Variants in ADGRG3 observed in about 807,000 individuals in gnomAD.
The protein encoded by ADGRG3 is G protein-coupled receptor 97.
ADGRG3 carries 39 observed loss-of-function variants against 54.3 expected under a neutral mutation model. The ratio of observed to expected loss-of-function variants is 0.72; its 90% CI spans 0.56 to 0.94. ADGRG3 has a LOEUF of 0.94. Among genes scored for constraint, ADGRG3 ranks in the 40% least tolerant of loss-of-function variants. The pLI is 0.00. For missense variants in ADGRG3, 654 were observed against 694.6 expected (o/e 0.94, Z 0.66); for synonymous variants, 312 against 290.0 (o/e 1.08, Z -0.77).
At chr16:57,678,362 G>T in intron 4 of ADGRG3, 46 bp downstream of exon 4, 1 of 1,593,912 alleles carries the variant, frequency 6.3e-7, no homozygotes, top group African/African-American at 1.3e-5. Context: ...GGTCCTCTGG[G>T]GGCTCCATGC....
intron 1 of ADGRG3, among the ~76,000 whole-genome samples, chr16:57,671,332 GTTTTTTTTTTTT>G (rs60592653): frequency 5.3e-4 from 46 of 86,362 alleles, no homozygotes; most frequent in African/African-American, 2.3e-3. Context: ...TAGAATAGGA[GTTTTTTTTTTTT>G]TTTTTTTTTT....
rs1302190597 is a variant in ADGRG3 at position 57,685,924 on chromosome 16, A to T, written c.1538A>T (p.Gln513Leu). Residue 513 changes from glutamine (Q) to leucine (L), a missense_variant and splice_region_variant, in exon 11 of 12, where the codon CAA becomes CTA. By Grantham distance (113) the Gln-to-Leu change is moderately radical. Coordinates refer to ENST00000333493, the MANE Select transcript of ADGRG3 (RefSeq NM_170776.5). ...VYIFALFNSL[Q>L]GVFICCWFTI... ...ATCTTTGCACTTTTCAACTCCTTGCAAGGTGAGGCCCCTGCACCAGGGAGG... is the reference window on the plus strand; with the variant it reads ...ATCTTTGCACTTTTCAACTCCTTGCTAGGTGAGGCCCCTGCACCAGGGAGG... 1 of 1,613,526 alleles carries T rather than the reference A, an allele frequency of 6.2e-7. No individual in the cohort carries two copies. The highest frequency in any genetic ancestry group is 8.5e-7 in the Non-Finnish European group (1 of 1,179,610).
At position 57,678,136 on chromosome 16, in the gene ADGRG3, G is replaced by A. The variant is rs776977490; in HGVS notation, c.346-34G>A. On this transcript the variant is annotated intron_variant, in intron 3 of 11. Coordinates refer to ENST00000333493, the MANE Select transcript of ADGRG3 (RefSeq NM_170776.5). ...TGGCAGGACTCGTGTTGGGGGGTGG[G>A]TACAGATGGGAGCTGCTGTGTCTGT... is the stretch of plus-strand genomic sequence containing the variant. 1.9e-6 allele frequency: 3 copies of A among 1,609,658 alleles called. No individual in the cohort carries two copies. In the South Asian group the frequency reaches 3.3e-5, roughly 18 times the overall value.
intron 1 of ADGRG3, among the ~76,000 whole-genome samples, chr16:57,671,446 T>C (rs1162919301): frequency 6.8e-6 from 1 of 146,578 alleles, no homozygotes; most frequent in African/African-American, 2.5e-5. Flanking sequence ...GTTGAAGCAA[T>C]TCTCCTGCCT....
In ADGRG3 at chr16:57,679,270, G is replaced by A. The variant is rs1286620083; in HGVS notation, c.586G>A (p.Glu196Lys). The change falls in exon 5 of 12, where the codon GAG (glutamate) becomes AAG (lysine). Residue 196 changes from glutamate to lysine, a missense_variant. Physicochemically the swap from Glu to Lys is moderately conservative, Grantham distance 56 (BLOSUM62 1). Transcript: ENST00000333493. ...VGQMHVTKLA[E>K]PLEIVFSHQR... ...ACAAATGCATGTCACCAAGCTGGCTGAGCCTCTGGAGATCGTCTTCTCTCA... is the reference window on the plus strand; with the variant it reads ...ACAAATGCATGTCACCAAGCTGGCTAAGCCTCTGGAGATCGTCTTCTCTCA... 6.2e-7 allele frequency: 1 copy of A among 1,614,006 alleles called. No individual in the cohort carries two copies. Among genetic ancestry groups the A allele is most frequent in the Non-Finnish European group, 8.5e-7 (1 of 1,179,942 alleles).
At chr16:57,670,710 T>A (rs1195355608) in intron 1 of ADGRG3, among the ~76,000 whole-genome samples, 1 of 152,224 alleles carries the variant, frequency 6.6e-6, no homozygotes, top group Non-Finnish European at 1.5e-5. Context: ...ATAAACTATC[T>A]AAAACGAATT....
At chr16:57,672,420 T>C (rs1248208809) in intron 1 of ADGRG3, among the ~76,000 whole-genome samples, 3 of 152,208 alleles carry the variant, frequency 2.0e-5, no homozygotes, top group Admixed American at 6.5e-5. Context: ...TGCATATGCA[T>C]ACCTTCTGCA....
upstream of ADGRG3, among the ~76,000 whole-genome samples, chr16:57,666,576 T>C (rs150386314): frequency 4.7e-3 from 720 of 152,258 alleles, 9 homozygotes; most frequent in East Asian, 0.037. Context: ...CCCTGCCCAC[T>C]GGAGCCATTG....
chr16:57,673,284 G>C, intron 1 of ADGRG3, 37 bp from the exon 2 acceptor site: 1 of 1,588,464 alleles, frequency 6.3e-7, no homozygotes, highest in African/African-American at 1.3e-5. Context: ...GCCCATCTTC[G>C]TCCAGCCCAT....
chr16:57,684,266 G>A, intron 9 of ADGRG3, 54 bp downstream of exon 9: 2 of 1,587,416 alleles, frequency 1.3e-6, no homozygotes, highest in Admixed American at 1.7e-5. Context: ...GGTGCAGAGG[G>A]AAATAGCCTT....
chr16:57,678,360 G>A, intron 4 of ADGRG3, 44 bp downstream of exon 4: 1 of 1,598,634 alleles, frequency 6.3e-7, no homozygotes, highest in Non-Finnish European at 8.6e-7. Context: ...TAGGTCCTCT[G>A]GGGGCTCCAT....
In ADGRG3 at chr16:57,680,631, A is replaced by G; in HGVS notation, c.881+14A>G. 2 of 1,545,256 alleles carry G rather than the reference A, an allele frequency of 1.3e-6. No homozygotes were observed. The highest frequency in any genetic ancestry group is 1.8e-6 in the Non-Finnish European group (2 of 1,118,164). On this transcript the variant is annotated intron_variant, in intron 8 of 11. Transcript: ENST00000333493. The stretch of plus-strand genomic sequence containing the variant: ...TGCCTTTCTGAGGTGAGTGATCCCC[A>G]CCTCCCCACCATGTCTCCCTCCCGC...
At chr16:57,682,383 T>A in intron 8 of ADGRG3, 1 of 603,624 alleles carries the variant, frequency 1.7e-6, no homozygotes, top group Non-Finnish European at 2.1e-6. Flanking sequence ...CGTGCCTCTG[T>A]GTCAGCATTT....
intron 8 of ADGRG3, among the ~76,000 whole-genome samples, chr16:57,681,726 CAAA>C (rs775852211): frequency 2.7e-5 from 2 of 75,204 alleles, no homozygotes; most frequent in African/African-American, 4.6e-5. Context: ...AACTCCGTCT[CAAA>C]AAAAAAAAAA....
Position 57,673,375 on chromosome 16 carries a change from T to C in ADGRG3, c.113T>C (p.Met38Thr). The C allele has an allele frequency of 6.2e-7, 1 of 1,613,912 alleles. No homozygotes were observed. The highest frequency in any genetic ancestry group is 8.5e-7 in the Non-Finnish European group (1 of 1,179,814). ...PRNTCLGSNNMYDIFNLNDKA... is the reference protein window; with the variant it reads ...PRNTCLGSNNTYDIFNLNDKA... ...AACACCTGCCTGGGGAGCAACAACA[T>C]GTACGACATCTTCAACTTGAATGAC... is the stretch of plus-strand genomic sequence containing the variant. The change falls in exon 2 of 12, where the codon ATG (methionine) becomes ACG (threonine). Residue 38 changes from methionine to threonine, a missense_variant. Transcript: ENST00000333493.
chr16:57,669,247 G>A (rs553602610), intron 1 of ADGRG3, among the ~76,000 whole-genome samples: 14 of 152,340 alleles, frequency 9.2e-5, no homozygotes, highest in South Asian at 6.2e-4. Context: ...TGTGTCCAGC[G>A]TGTGGTCGCG....
chr16:57,679,808 G>T lies in ADGRG3; in HGVS notation c.628-8G>T, dbSNP rs757500209. The stretch of plus-strand genomic sequence containing the variant: ...TCCTCTCTCCTGACTTCCACTCTTC[G>T]GTTTCAGAACATGACCCTCACCTGT... On this transcript the variant is annotated splice_polypyrimidine_tract_variant and splice_region_variant and intron_variant, in intron 5 of 11. Coordinates refer to ENST00000333493, the MANE Select transcript of ADGRG3 (RefSeq NM_170776.5). 6.2e-7 allele frequency: 1 copy of T among 1,611,614 alleles called. No homozygotes were observed. Among genetic ancestry groups the T allele is most frequent in the South Asian group, 1.1e-5 (1 of 91,028 alleles).
Position 57,673,421 on chromosome 16 carries a change from G to A in ADGRG3, c.159G>A (p.Lys53=). The A allele has an allele frequency of 6.2e-7, 1 of 1,612,342 alleles. No individual in the cohort carries two copies. Reference sequence around the variant, plus strand: ...ATGACAAGGCTTTGTGCTTCACCAAGTGCAGGCAGTCGGGCAGCGACTCCT... The same window carrying A: ...ATGACAAGGCTTTGTGCTTCACCAAATGCAGGCAGTCGGGCAGCGACTCCT... The part of the protein sequence containing the change: ...NLNDKALCFT[K]CRQSGSDSCN... The change falls in exon 2 of 12, where the codon AAG becomes AAA. Residue 53 remains lysine, a synonymous_variant. Transcript: ENST00000333493.
rs1227024311 is a variant in ADGRG3, at chr16:57,684,149, G to C, written c.1099G>C (p.Ala367Pro). 6.8e-6 allele frequency: 11 copies of C among 1,614,000 alleles called. No homozygotes were observed. The South Asian group carries it at 9.9e-5, about 14-fold the overall frequency. ...GLEAFHLYLL[A>P]VRVFNTYFGH... ...TGAAGCCTTCCACCTCTACCTGCTC[G>C]CTGTCAGGGTCTTCAACACCTACTT... is the stretch of plus-strand genomic sequence containing the variant. Residue 367 changes from alanine to proline, a missense_variant, in exon 9 of 12, where the codon GCT (alanine) becomes CCT (proline). By Grantham distance (27) the Ala-to-Pro change is conservative (BLOSUM62 -1). Transcript: ENST00000333493.
Sources: gnomAD v4.1 joint callset for allele counts (sites outside exome capture counted in the v4.1 genomes callset) on GRCh38, gnomAD v4.1.1 for gene constraint, MANE v1.5 for transcripts, NCBI Gene and HGNC (gene_info 2026-07-23, HGNC 2026-07-21) for gene names.